Variants in KPNA6 observed in about 807,000 individuals in gnomAD.
KPNA6 encodes importin subunit alpha-7.
A neutral mutation model predicts 72.0 loss-of-function variants in KPNA6; 9 were observed. The ratio of observed to expected loss-of-function variants is 0.13; its 90% confidence interval spans 0.08 to 0.22. KPNA6 has a LOEUF of 0.22. KPNA6 is among the 10% of genes least tolerant of loss of function. The pLI, the probability that KPNA6 is intolerant of heterozygous loss-of-function variation, is 1.00. For synonymous variants in KPNA6, 219 were observed against 242.1 expected, an observed-to-expected ratio of 0.90 and a Z score of 0.89; for missense variants, 374 against 655.7, an observed-to-expected ratio of 0.57 and a Z score of 4.69.
intron 10 of KPNA6, 58 bp from the exon 11 acceptor site, chr1:32,166,046 TA>T (rs886174891): frequency 2.7e-5 from 40 of 1,499,146 alleles, no homozygotes; most frequent in African/African-American, 4.3e-5. Context: ...CAAAAAAACA[TA>T]AAAAAAATTA....
chr1:32,116,068 G>A (rs941407744), intron 1 of KPNA6, among the ~76,000 whole-genome samples: 3 of 152,048 alleles, frequency 2.0e-5, no homozygotes, highest in Admixed American at 6.6e-5. Context: ...AACCAGTCTC[G>A]TTAGAGCCTG....
At position 32,175,812 on chromosome 1, in the gene KPNA6, C is replaced by G. The variant is rs1642517757; in HGVS notation, c.*4918C>G. Reference sequence around the variant, plus strand: ...AAAAAAAAAAAAAAAAAATCCACATCTTCAGCTGGGCGCGGTGGCTCATGC... The same window carrying G: ...AAAAAAAAAAAAAAAAAATCCACATGTTCAGCTGGGCGCGGTGGCTCATGC... On this transcript the variant is annotated 3_prime_UTR_variant, in exon 14 of 14. Coordinates refer to ENST00000373625, the MANE Select transcript of KPNA6 (RefSeq NM_012316.5). The G allele has an allele frequency of 7.4e-6, 1 of 135,378 alleles. No homozygotes were observed. The highest frequency in any genetic ancestry group is 2.4e-4 in the South Asian group (1 of 4,136). The allele number at this position is 135,378 out of a possible 1,614,324, so 8.4% of individuals were successfully genotyped here. A position where few individuals can be genotyped will look rare whatever the true frequency, so the allele number is the denominator to read the frequency against.
chr1:32,119,034 T>A lies in KPNA6; in HGVS notation c.4+10900T>A, dbSNP rs28679733. Among the ~76,000 whole-genome samples, 421 of 72,366 alleles carry A rather than the reference T, an allele frequency of 5.8e-3. 1 individual carries two copies. The highest frequency in any genetic ancestry group is 8.0e-3 in the Non-Finnish European group (272 of 34,126). The allele number at this position is 72,366 out of a possible 152,430, so 47.5% of individuals were successfully genotyped here. On this transcript the variant is annotated intron_variant, in intron 1 of 13. Coordinates refer to ENST00000373625, the MANE Select transcript of KPNA6 (RefSeq NM_012316.5). ...TATATATATATATATATATATATAT[T>A]TTTTTTTTTTTTTTTGAGAGAGAGT... is the stretch of plus-strand genomic sequence containing the variant.
Position 32,167,280 on chromosome 1 carries a change from AC to A in KPNA6, c.1232del (p.Pro411LeufsTer20). ...WAITNATSGG[T>X]PEQIRYLVSL... ...CATCACCAATGCCACATCAGGAGGA[AC>A]CCCTGAGCAGATCAGGTATTACATT... On this transcript the variant is annotated frameshift_variant, in exon 12 of 14. Coordinates refer to ENST00000373625, the MANE Select transcript of KPNA6 (RefSeq NM_012316.5). LOFTEE classifies it high-confidence loss of function. 1 of 1,614,024 alleles carries A rather than the reference AC, an allele frequency of 6.2e-7. No homozygotes were observed. Among genetic ancestry groups the A allele is most frequent in the Non-Finnish European group, 8.5e-7 (1 of 1,179,948 alleles).
At chr1:32,134,309 G>T (rs913535589) in intron 1 of KPNA6, among the ~76,000 whole-genome samples, 1 of 150,658 alleles carries the variant, frequency 6.6e-6, no homozygotes, top group African/African-American at 2.4e-5. Context: ...TAAAATGAGG[G>T]AGAAATTAAG....
chr1:32,162,280 G>T, intron 8 of KPNA6, 81 bp from the exon 9 acceptor site: 1 of 1,289,818 alleles, frequency 7.8e-7, no homozygotes, highest in Non-Finnish European at 1.1e-6. Context: ...TTGTGGGGGC[G>T]GTGGTTGCAA....
At chr1:32,131,980 AT>A (rs972931127) in intron 1 of KPNA6, among the ~76,000 whole-genome samples, 1 of 149,182 alleles carries the variant, frequency 6.7e-6, no homozygotes, top group African/African-American at 2.5e-5. Context: ...TTTATTTTTT[AT>A]TTTTTTTGAG....
chr1:32,148,778 C>T (rs1641976989), intron 1 of KPNA6, among the ~76,000 whole-genome samples: 1 of 151,952 alleles, frequency 6.6e-6, no homozygotes, highest in Non-Finnish European at 1.5e-5. Context: ...AGGCTGGTCT[C>T]AAACATCTGA....
At chr1:32,148,751 G>A (rs1226598959) in intron 1 of KPNA6, among the ~76,000 whole-genome samples, 1 of 151,504 alleles carries the variant, frequency 6.6e-6, no homozygotes. Context: ...TAGAGATGGG[G>A]TTTCACCATA....
Position 32,162,418 on chromosome 1 carries a change from C to T in KPNA6, c.805C>T (p.Leu269=). The T allele has an allele frequency of 5.6e-6, 9 of 1,613,926 alleles. No homozygotes were observed. The highest frequency in any genetic ancestry group is 7.6e-6 in the Non-Finnish European group (9 of 1,179,948). The change falls in exon 9 of 14, where the codon CTG becomes TTG. Residue 269 remains leucine (L), a synonymous_variant. Coordinates refer to ENST00000373625, the MANE Select transcript of KPNA6 (RefSeq NM_012316.5). ...RLLFSSDSDL[L]ADACWALSYL... ...ACTCTTCAGCAGCGACTCGGACTTG[C>T]TGGCAGATGCTTGCTGGGCCCTTTC...
In KPNA6 at chr1:32,173,520, C is replaced by G. The variant is rs1642474945; in HGVS notation, c.*2626C>G. 6.2e-6 allele frequency: 1 copy of G among 162,430 alleles called. No individual in the cohort carries two copies. The allele number at this position is 162,430 out of a possible 1,614,324, so 10.1% of individuals were successfully genotyped here. On this transcript the variant is annotated 3_prime_UTR_variant, in exon 14 of 14. Coordinates refer to ENST00000373625, the MANE Select transcript of KPNA6 (RefSeq NM_012316.5). ...GAGAAAAGTGGCCTCCAGGAGCTTTCATTTATGTCTTCTCCAGACCAGGTT... is the reference window on the plus strand; with the variant it reads ...GAGAAAAGTGGCCTCCAGGAGCTTTGATTTATGTCTTCTCCAGACCAGGTT...
At chr1:32,165,871 G>A (rs185866171) in intron 10 of KPNA6, among the ~76,000 whole-genome samples, 378 of 151,758 alleles carry the variant, frequency 2.5e-3, no homozygotes, top group Admixed American at 4.7e-3. Flanking sequence ...GGTGGTAGGC[G>A]TCTGTAATCC....
intron 1 of KPNA6, among the ~76,000 whole-genome samples, chr1:32,128,386 T>TA (rs1491212727): frequency 1.5e-4 from 11 of 73,170 alleles, no homozygotes; most frequent in South Asian, 5.2e-4. Flanking sequence ...TATATATGTA[T>TA]TTATATATAT....
chr1:32,173,946 A>G lies in KPNA6; in HGVS notation c.*3052A>G, dbSNP rs1642483660. 2 of 152,462 alleles carry G rather than the reference A, an allele frequency of 1.3e-5. No individual in the cohort carries two copies. Among genetic ancestry groups the G allele is most frequent in the Non-Finnish European group, 2.9e-5 (2 of 68,276 alleles). The allele number at this position is 152,462 out of a possible 1,614,324, so 9.4% of individuals were successfully genotyped here. On this transcript the variant is annotated 3_prime_UTR_variant, in exon 14 of 14. Coordinates refer to ENST00000373625, the MANE Select transcript of KPNA6 (RefSeq NM_012316.5). ...CCTTTTTCTTGGCTAATGTTTTCCAATACTTTTTTGAATGGTGCCAGCCCC... is the reference window on the plus strand; with the variant it reads ...CCTTTTTCTTGGCTAATGTTTTCCAGTACTTTTTTGAATGGTGCCAGCCCC...
chr1:32,128,637 C>T (rs1641584256), intron 1 of KPNA6, among the ~76,000 whole-genome samples: 1 of 151,730 alleles, frequency 6.6e-6, no homozygotes, highest in African/African-American at 2.4e-5. Context: ...TTATTATGGT[C>T]CCATTGTGGA....
intron 1 of KPNA6, among the ~76,000 whole-genome samples, chr1:32,148,794 T>A (rs946356893): frequency 1.6e-4 from 24 of 152,150 alleles, no homozygotes; most frequent in African/African-American, 5.5e-4. Flanking sequence ...TCTGACCTTG[T>A]GATCCACCCG....
Position 32,154,597 on chromosome 1 carries a change from C to T in KPNA6, c.14C>T (p.Ala5Val), listed in dbSNP as rs1214369494. The T allele has an allele frequency of 3.1e-6, 5 of 1,612,702 alleles. No individual in the cohort carries two copies. Among genetic ancestry groups the T allele is most frequent in the East Asian group, 4.5e-5 (2 of 44,826 alleles). Residue 5 changes from alanine (A) to valine (V), a missense_variant, in exon 2 of 14, where the codon GCG becomes GTG. Ala to Val is a moderately conservative substitution (Grantham distance 64). Coordinates refer to ENST00000373625, the MANE Select transcript of KPNA6 (RefSeq NM_012316.5). METMASPGKDNYRMK... is the reference protein window; with the variant it reads METMVSPGKDNYRMK... Reference sequence around the variant, plus strand: ...GTATCTTTTCTTCTAGAGACCATGGCGAGCCCAGGGAAAGACAATTATCGA... The same window carrying T: ...GTATCTTTTCTTCTAGAGACCATGGTGAGCCCAGGGAAAGACAATTATCGA...
At chr1:32,162,300 T>A in intron 8 of KPNA6, 61 bp from the exon 9 acceptor site, 1 of 1,469,758 alleles carries the variant, frequency 6.8e-7, no homozygotes, top group Non-Finnish European at 9.2e-7. Flanking sequence ...ATGTTAGGGT[T>A]CGTGATAGAG....
At chr1:32,160,835 A>G (rs77488173) in intron 7 of KPNA6, 132 bp downstream of exon 7, 11,485 of 663,298 alleles carry the variant, frequency 0.017, 248 homozygotes, top group East Asian at 0.057. Context: ...TCTGATTGCC[A>G]AAGTAAAAGA....
Sources: gnomAD v4.1 joint callset for allele counts (sites outside exome capture counted in the v4.1 genomes callset) on GRCh38, gnomAD v4.1.1 for gene constraint, MANE v1.5 for transcripts, NCBI Gene and HGNC (gene_info 2026-07-23, HGNC 2026-07-21) for gene names.